The following ANKFN1 variants were observed in gnomAD, a reference collection of about 807,000 sequenced individuals.
ANKFN1 encodes the protein ankyrin repeat and fibronectin type-III domain-containing protein 1.
Under a neutral mutation model 108.7 loss-of-function variants are expected in ANKFN1, and 74 were observed. The ratio of observed to expected loss-of-function variants is 0.68; its 90% CI spans 0.56 to 0.83. ANKFN1 has a LOEUF of 0.83. Ranked by LOEUF, ANKFN1 falls within the 40% of genes least tolerant of loss-of-function variation. ANKFN1 has a pLI of 0.00. For synonymous variants in ANKFN1, 547 were observed against 516.2 expected (o/e 1.06, Z -0.81); for missense variants, 1,505 against 1,382.3 (o/e 1.09, Z -1.41).
chr17:56,388,464 T>C (rs935734797), intron 8 of ANKFN1, among the ~76,000 whole-genome samples: 10 of 152,204 alleles, frequency 6.6e-5, no homozygotes, highest in Non-Finnish European at 1.3e-4. Context: ...ATCTGTGCAA[T>C]TATAGCTACA....
chr17:56,413,596 C>T (rs184713830), intron 8 of ANKFN1, among the ~76,000 whole-genome samples: 81 of 152,220 alleles, frequency 5.3e-4, no homozygotes, highest in Admixed American at 2.9e-3. Context: ...GAGTTATATT[C>T]CTTCAATAGT....
intron 6 of ANKFN1, among the ~76,000 whole-genome samples, chr17:56,365,471 GT>G (rs1251029870): frequency 6.6e-6 from 1 of 152,172 alleles, no homozygotes; most frequent in East Asian, 1.9e-4. Context: ...TAAGACAAGT[GT>G]TGTTACAATG....
intron 4 of ANKFN1, among the ~76,000 whole-genome samples, chr17:56,055,480 G>GTA (rs1369920566): frequency 2.1e-4 from 30 of 144,540 alleles, no homozygotes; most frequent in African/African-American, 6.0e-4. Flanking sequence ...ATGTCTGTGT[G>GTA]TATATATATA....
chr17:56,256,966 A>G (rs2043374162), intron 3 of ANKFN1, among the ~76,000 whole-genome samples: 1 of 152,224 alleles, frequency 6.6e-6, no homozygotes, highest in African/African-American at 2.4e-5. Flanking sequence ...ATTGCCTAAC[A>G]GCAACATCAC....
chr17:56,121,654 G>C (rs1906628636), intron 4 of ANKFN1, among the ~76,000 whole-genome samples: 1 of 152,038 alleles, frequency 6.6e-6, no homozygotes, highest in African/African-American at 2.4e-5. Context: ...GTCTGAATAT[G>C]GGAATATTCA....
rs1335062838 is a variant in ANKFN1, at chr17:56,480,529, G to A, written c.1941-139G>A. ...TTAAGCTCCATTTGGGTGGCAAAATGTTCAAATTTCATGAATTACACTGAG... is the reference window on the plus strand; with the variant it reads ...TTAAGCTCCATTTGGGTGGCAAAATATTCAAATTTCATGAATTACACTGAG... On this transcript the variant is annotated intron_variant, in intron 16 of 20. Transcript: ENST00000682825. 4 of 917,282 alleles carry A rather than the reference G, an allele frequency of 4.4e-6. No homozygotes were observed. In the South Asian group the frequency reaches 7.1e-5, roughly 16 times the overall value. 56.8% of individuals were successfully genotyped at this position (917,282 alleles called of 1,614,324 possible).
chr17:56,098,699 C>T (rs1163852903), intron 4 of ANKFN1, among the ~76,000 whole-genome samples: 2 of 152,142 alleles, frequency 1.3e-5, no homozygotes, highest in Non-Finnish European at 2.9e-5. Flanking sequence ...CCTTTAACTG[C>T]ATAAAGAACC....
intron 1 of ANKFN1, among the ~76,000 whole-genome samples, chr17:56,188,581 G>GTGTGTGTA (rs1212242378): frequency 1.7e-3 from 82 of 49,644 alleles, no homozygotes; most frequent in Non-Finnish European, 2.2e-3. Flanking sequence ...GTGTGTGTGT[G>GTGTGTGTA]TATATATATA....
At chr17:56,134,358 A>G (rs1370820582) in intron 4 of ANKFN1, among the ~76,000 whole-genome samples, 2 of 152,054 alleles carry the variant, frequency 1.3e-5, no homozygotes, top group African/African-American at 2.4e-5. Context: ...ATGATTTATT[A>G]TTCACTCCAT....
intron 3 of ANKFN1, among the ~76,000 whole-genome samples, chr17:56,287,568 G>A (rs1360660853): frequency 6.6e-6 from 1 of 152,118 alleles, no homozygotes; most frequent in Non-Finnish European, 1.5e-5. Flanking sequence ...TTAGAGCCAG[G>A]CTTTCTTAAA....
intron 4 of ANKFN1, among the ~76,000 whole-genome samples, chr17:56,095,501 T>C (rs745877043): frequency 4.2e-5 from 6 of 142,842 alleles, no homozygotes; most frequent in Non-Finnish European, 7.9e-5. Context: ...GGGATCTTGC[T>C]ATTTTGCTCA....
At chr17:56,258,111 C>T (rs917811268) in intron 3 of ANKFN1, 2 of 152,140 alleles carry the variant, frequency 1.3e-5, no homozygotes, top group Non-Finnish European at 2.9e-5. Flanking sequence ...AAATTCAGTT[C>T]CTTCTTCTTT....
At chr17:56,362,545 A>G (rs2046550029) in intron 6 of ANKFN1, among the ~76,000 whole-genome samples, 2 of 152,244 alleles carry the variant, frequency 1.3e-5, no homozygotes, top group Non-Finnish European at 2.9e-5. Context: ...CTGTATATCC[A>G]CATGCAGAAG....
intron 19 of ANKFN1, among the ~76,000 whole-genome samples, chr17:56,497,847 C>A (rs754024566): frequency 3.3e-5 from 5 of 151,976 alleles, no homozygotes; most frequent in Non-Finnish European, 7.4e-5. Flanking sequence ...CCCAAGTCAT[C>A]GAGTGAAATT....
At chr17:56,275,447 G>A (rs2043902626) in intron 3 of ANKFN1, among the ~76,000 whole-genome samples, 1 of 152,040 alleles carries the variant, frequency 6.6e-6, no homozygotes, top group African/African-American at 2.4e-5. Context: ...GGAGAAGACT[G>A]TGCTGTTCAG....
intron 4 of ANKFN1, among the ~76,000 whole-genome samples, chr17:56,069,838 C>A (rs886559484): frequency 2.6e-5 from 4 of 152,106 alleles, no homozygotes; most frequent in Admixed American, 6.5e-5. Flanking sequence ...ACAGAGCAGC[C>A]CCTAGGGCTG....
rs527278046 is a variant in ANKFN1, at chr17:56,183,592, A to T, written c.-70-29006A>T. Among the ~76,000 whole-genome samples, 19 of 152,240 alleles carry T rather than the reference A, an allele frequency of 1.2e-4. No individual in the cohort carries two copies. The East Asian group carries it at 3.7e-3, about 29-fold the overall frequency. Reference sequence around the variant, plus strand: ...ACTCTTGCTCCCTCTCTTGCCATGTAATATGCCTGCTTTTGCTTCACCTTT... The same window carrying T: ...ACTCTTGCTCCCTCTCTTGCCATGTTATATGCCTGCTTTTGCTTCACCTTT... On this transcript the variant is annotated intron_variant, in intron 1 of 20. Transcript: ENST00000682825.
At chr17:56,159,064 A>G (rs1909388544) in intron 1 of ANKFN1, among the ~76,000 whole-genome samples, 1 of 150,798 alleles carries the variant, frequency 6.6e-6, no homozygotes, top group Non-Finnish European at 1.5e-5. Context: ...AAGCAGAAGA[A>G]GAAGAAAGAA....
At chr17:56,116,010 G>A (rs1194113865) in intron 4 of ANKFN1, among the ~76,000 whole-genome samples, 2 of 152,156 alleles carry the variant, frequency 1.3e-5, no homozygotes, top group Non-Finnish European at 2.9e-5. Context: ...TGTGCATAGA[G>A]CACTGCAGTG....
Sources: gnomAD v4.1 joint callset for allele counts (sites outside exome capture counted in the v4.1 genomes callset) on GRCh38, gnomAD v4.1.1 for gene constraint, MANE v1.5 for transcripts, NCBI Gene and HGNC (gene_info 2026-07-23, HGNC 2026-07-21) for gene names.